Variants in UBE4B observed in about 807,000 individuals in gnomAD.
The protein encoded by UBE4B is ubiquitination factor E4B.
In UBE4B, 27 loss-of-function variants were observed where a neutral mutation model predicts 148.1. The ratio of observed to expected loss-of-function variants is 0.18; its 90% CI spans 0.13 to 0.25. UBE4B has a LOEUF of 0.25. UBE4B is among the 10% of genes least tolerant of loss of function. UBE4B has a pLI of 1.00. For synonymous variants in UBE4B, 596 were observed against 619.3 expected (o/e 0.96, Z 0.56); for missense variants, 1,170 against 1,662.4 (o/e 0.70, Z 5.15).
At position 10,180,067 on chromosome 1, in the gene UBE4B, C is replaced by G. The variant is rs145974529; in HGVS notation, c.*111C>G. On this transcript the variant is annotated 3_prime_UTR_variant, in exon 28 of 28. Coordinates refer to ENST00000343090, the MANE Select transcript of UBE4B (RefSeq NM_001105562.3). The stretch of plus-strand genomic sequence containing the variant: ...TGTGTTGGAGGCCAAATGTGGCAAA[C>G]CAACCCCAGGCCCACCCAGAGCGAG... 59 of 1,425,662 alleles carry G rather than the reference C, an allele frequency of 4.1e-5. 1 individual carries two copies. The Middle Eastern group carries it at 7.0e-4, about 17-fold the overall frequency. 88.3% of individuals were successfully genotyped at this position (1,425,662 alleles called of 1,614,324 possible).
Position 10,117,537 on chromosome 1 carries a change from T to C in UBE4B, c.1275T>C (p.Asp425=), listed in dbSNP as rs769606639. ...HFTIETCKET[D]MLNYLIECFD... ...CCATTGAAACCTGCAAAGAGACAGA[T>C]ATGCTGAACTACCTCATCGAGTGTT... The change falls in exon 8 of 28, where the codon GAT becomes GAC. Residue 425 remains aspartate (D), a synonymous_variant. Coordinates refer to ENST00000343090, the MANE Select transcript of UBE4B (RefSeq NM_001105562.3). 1.2e-6 allele frequency: 2 copies of C among 1,612,046 alleles called. No homozygotes were observed. The highest frequency in any genetic ancestry group is 1.7e-6 in the Non-Finnish European group (2 of 1,179,480).
At chr1:10,169,776 A>G (rs1646310932) in intron 24 of UBE4B, among the ~76,000 whole-genome samples, 1 of 152,242 alleles carries the variant, frequency 6.6e-6, no homozygotes, top group Non-Finnish European at 1.5e-5. Flanking sequence ...GCACTTTGAG[A>G]GGCCAAGAAG....
chr1:10,167,319 G>T (rs543634165), intron 23 of UBE4B, among the ~76,000 whole-genome samples: 79 of 147,194 alleles, frequency 5.4e-4, no homozygotes, highest in Non-Finnish European at 1.1e-3. Flanking sequence ...CATGCCTGTA[G>T]TCCCAGCTAC....
chr1:10,179,681 T>C (rs1015454974), intron 27 of UBE4B, 119 bp downstream of exon 27: 16 of 1,507,838 alleles, frequency 1.1e-5, no homozygotes, highest in South Asian at 2.5e-5. Context: ...CTACCTACTT[T>C]ATGACACTCT....
chr1:10,147,897 G>T (rs1645900495), intron 19 of UBE4B, among the ~76,000 whole-genome samples: 1 of 152,004 alleles, frequency 6.6e-6, no homozygotes, highest in Admixed American at 6.6e-5. Context: ...GGTGAGATTG[G>T]CCCAAGACCC....
chr1:10,039,042 A>G (rs1384839184), intron 1 of UBE4B, among the ~76,000 whole-genome samples: 1 of 152,152 alleles, frequency 6.6e-6, no homozygotes, highest in African/African-American at 2.4e-5. Flanking sequence ...CCTGGGAGGC[A>G]GAGCAAGACT....
In UBE4B at chr1:10,152,706, G is replaced by A. The variant is rs566631701; in HGVS notation, c.2926+1145G>A. ...CCAGCTACTCAGGAGGCCGAGGCAC[G>A]AGAATCGAGTGAACCTAGGAGGCAG... On this transcript the variant is annotated intron_variant, in intron 21 of 27. Transcript: ENST00000343090. Among the ~76,000 whole-genome samples, 180 of 152,100 alleles carry A rather than the reference G, an allele frequency of 1.2e-3. 1 individual carries two copies. The highest frequency in any genetic ancestry group is 0.01 in the South Asian group (50 of 4,814).
chr1:10,136,080 T>C (rs1645677874), intron 16 of UBE4B, among the ~76,000 whole-genome samples: 1 of 152,178 alleles, frequency 6.6e-6, no homozygotes, highest in Non-Finnish European at 1.5e-5. Flanking sequence ...AATCAGTAGT[T>C]TATTAACATA....
intron 2 of UBE4B, among the ~76,000 whole-genome samples, chr1:10,093,368 A>G (rs1476823249): frequency 3.3e-5 from 5 of 152,202 alleles, no homozygotes; most frequent in Admixed American, 3.3e-4. Context: ...TTAATGAATC[A>G]AAAGTTTTAC....
chr1:10,115,058 T>G (rs1475238928), intron 7 of UBE4B, among the ~76,000 whole-genome samples: 1 of 152,170 alleles, frequency 6.6e-6, no homozygotes, highest in African/African-American at 2.4e-5. Context: ...CTGTCAGGCC[T>G]ATGTTATAGG....
At chr1:10,115,864 GGTGA>G (rs1645300096) in intron 7 of UBE4B, among the ~76,000 whole-genome samples, 1 of 152,138 alleles carries the variant, frequency 6.6e-6, no homozygotes, top group Admixed American at 6.5e-5. Context: ...TGCCAATTAT[GGTGA>G]GTATTTGTGT....
chr1:10,049,906 A>G (rs1643999055), intron 1 of UBE4B, among the ~76,000 whole-genome samples: 1 of 152,104 alleles, frequency 6.6e-6, no homozygotes, highest in Non-Finnish European at 1.5e-5. Flanking sequence ...AAAAAAAAAA[A>G]AAAGTTAGAA....
chr1:10,062,737 A>G (rs925118332), intron 1 of UBE4B, among the ~76,000 whole-genome samples: 1 of 152,120 alleles, frequency 6.6e-6, no homozygotes, highest in African/African-American at 2.4e-5. Context: ...CAAGTGGATC[A>G]CCTGAGGTCA....
intron 1 of UBE4B, among the ~76,000 whole-genome samples, chr1:10,063,910 G>GA (rs778112938): frequency 0.014 from 1,769 of 129,508 alleles, 26 homozygotes; most frequent in African/African-American, 0.042. Flanking sequence ...CTGTCTCAAT[G>GA]AAAAAAAAAA....
chr1:10,144,731 C>A, intron 17 of UBE4B, among the ~76,000 whole-genome samples: 3 of 96,466 alleles, frequency 3.1e-5, no homozygotes, highest in East Asian at 2.2e-4. Flanking sequence ...GAGACTCTGT[C>A]TTAAAAAAAA....
At chr1:10,141,784 C>T (rs549487942) in intron 17 of UBE4B, among the ~76,000 whole-genome samples, 1 of 152,214 alleles carries the variant, frequency 6.6e-6, no homozygotes, top group South Asian at 2.1e-4. Flanking sequence ...ATAGAAACTG[C>T]TTCTGCTAGC....
intron 1 of UBE4B, among the ~76,000 whole-genome samples, chr1:10,050,100 T>A (rs1173077835): frequency 6.6e-6 from 1 of 151,886 alleles, no homozygotes; most frequent in African/African-American, 2.4e-5. Context: ...TGAGACAGAG[T>A]CTTGCTCTTG....
intron 17 of UBE4B, among the ~76,000 whole-genome samples, chr1:10,138,199 G>C (rs1645725732): frequency 6.6e-6 from 1 of 151,476 alleles, no homozygotes; most frequent in Non-Finnish European, 1.5e-5. Flanking sequence ...CTGGGTTCAA[G>C]CAATTCTCCT....
chr1:10,095,190 A>T (rs1056405462), intron 2 of UBE4B, among the ~76,000 whole-genome samples: 6 of 152,306 alleles, frequency 3.9e-5, no homozygotes, highest in African/African-American at 1.4e-4. Context: ...GAATTGGTGC[A>T]AGAGAGGTGA....
Sources: gnomAD v4.1 joint callset for allele counts (sites outside exome capture counted in the v4.1 genomes callset) on GRCh38, gnomAD v4.1.1 for gene constraint, MANE v1.5 for transcripts, NCBI Gene and HGNC (gene_info 2026-07-23, HGNC 2026-07-21) for gene names.